The following CIP2A variants were observed in gnomAD, a reference collection of about 807,000 sequenced individuals.
CIP2A encodes protein CIP2A.
A neutral mutation model predicts 110.9 loss-of-function variants in CIP2A; 103 were observed. The ratio of observed to expected loss-of-function variants is 0.93; its 90% CI spans 0.79 to 1.09. The LOEUF is 1.09. Among genes scored for constraint, CIP2A ranks in the 50% least tolerant of loss-of-function variants. The probability of loss-of-function intolerance (pLI) is 0.00; values close to 1 mark genes in which losing one functional copy is unlikely to be tolerated. For missense variants in CIP2A, 1,088 were observed against 1,038.4 expected, an observed-to-expected ratio of 1.05 and a Z score of -0.66; for synonymous variants, 381 against 361.6, an observed-to-expected ratio of 1.05 and a Z score of -0.61.
intron 13 of CIP2A, among the ~76,000 whole-genome samples, chr3:108,561,431 C>T (rs767997459): frequency 5.9e-5 from 9 of 152,062 alleles, no homozygotes; most frequent in Non-Finnish European, 1.3e-4. Context: ...CACCTGTAAC[C>T]GCAGCACTTT....
intron 8 of CIP2A, among the ~76,000 whole-genome samples, chr3:108,572,600 A>G (rs1172275319): frequency 6.6e-6 from 1 of 151,956 alleles, no homozygotes; most frequent in East Asian, 1.9e-4. Flanking sequence ...ATTTAAAAAA[A>G]TCAGTTAATA....
chr3:108,563,368 G>A (rs1367095740), intron 12 of CIP2A, 124 bp from the exon 13 acceptor site: 1 of 673,742 alleles, frequency 1.5e-6, no homozygotes, highest in Admixed American at 2.4e-5. Flanking sequence ...TGTTTCTAAT[G>A]TTTGAATATA....
Position 108,582,021 on chromosome 3 carries a change from T to C in CIP2A, c.452+87A>G, listed in dbSNP as rs530017336. ...ACTCAGTTTATATGTTAGAAAATGTTATCTAAGAAAAATTAATCTACCACA... is the reference window on the plus strand; with the variant it reads ...ACTCAGTTTATATGTTAGAAAATGTCATCTAAGAAAAATTAATCTACCACA... On this transcript the variant is annotated intron_variant, in intron 4 of 20. Coordinates refer to ENST00000295746, the MANE Select transcript of CIP2A (RefSeq NM_020890.3). 5.7e-5 allele frequency: 35 copies of C among 609,048 alleles called. No individual in the cohort carries two copies. In the South Asian group the frequency reaches 8.4e-4, roughly 15 times the overall value. The allele number at this position is 609,048 out of a possible 1,614,324, so 37.7% of individuals were successfully genotyped here.
intron 1 of CIP2A, among the ~76,000 whole-genome samples, chr3:108,586,532 C>T (rs2107374795): frequency 6.6e-6 from 1 of 152,264 alleles, no homozygotes; most frequent in South Asian, 2.1e-4. Flanking sequence ...TACTGAATCT[C>T]TTAAAACAAA....
intron 14 of CIP2A, among the ~76,000 whole-genome samples, 181 bp downstream of exon 14, chr3:108,560,468 C>T (rs991167991): frequency 3.3e-5 from 5 of 152,120 alleles, no homozygotes; most frequent in East Asian, 1.9e-4. Context: ...CCACCGCACC[C>T]GGCAAAATGT....
chr3:108,585,403 A>G (rs1045595687), intron 1 of CIP2A, among the ~76,000 whole-genome samples, 191 bp from the exon 2 acceptor site: 1 of 152,114 alleles, frequency 6.6e-6, no homozygotes, highest in Admixed American at 6.5e-5. Context: ...CTCCCTAGCT[A>G]AAGTAATCAT....
Position 108,581,400 on chromosome 3 carries a change from A to G in CIP2A, c.549+15T>C, listed in dbSNP as rs1938871532. 1 of 1,557,720 alleles carries G rather than the reference A, an allele frequency of 6.4e-7. No homozygotes were observed. The highest frequency in any genetic ancestry group is 1.1e-5 in the South Asian group (1 of 87,414). On this transcript the variant is annotated intron_variant, in intron 5 of 20. Transcript: ENST00000295746. ...CCATAAAACAAGAAACATTAAAAAG[A>G]AATAAACTTCTTACCAATGTCTTTA...
At position 108,569,469 on chromosome 3, in the gene CIP2A, G is replaced by C. The variant is rs758810630; in HGVS notation, c.1033C>G (p.Leu345Val). ...TCCAAAGGTTGGCTTAACCAGCGCA[G>C]TAGAGCCACAGTAGGTTCTAAACAT... ...TKCLEPTVALLRWLSQPLDGS... is the reference protein window; with the variant it reads ...TKCLEPTVALVRWLSQPLDGS... Residue 345 changes from leucine (L) to valine (V), a missense_variant, in exon 9 of 21, where the codon CTG (leucine) becomes GTG (valine). Leu to Val is a conservative substitution (Grantham distance 32). Coordinates refer to ENST00000295746, the MANE Select transcript of CIP2A (RefSeq NM_020890.3). The C allele has an allele frequency of 6.2e-7, 1 of 1,612,836 alleles. No homozygotes were observed. Among genetic ancestry groups the C allele is most frequent in the Non-Finnish European group, 8.5e-7 (1 of 1,179,324 alleles).
intron 8 of CIP2A, among the ~76,000 whole-genome samples, chr3:108,575,360 A>C (rs1490536248): frequency 6.6e-6 from 1 of 150,510 alleles, no homozygotes; most frequent in African/African-American, 2.5e-5. Flanking sequence ...ACATGTGTAT[A>C]TATACATACA....
intron 5 of CIP2A, among the ~76,000 whole-genome samples, chr3:108,579,924 C>T (rs371477570): frequency 2.6e-5 from 4 of 152,128 alleles, no homozygotes; most frequent in East Asian, 3.9e-4. Context: ...TTGGTAAATG[C>T]GTGCAAACGA....
At chr3:108,584,803 T>C (rs535705315) in intron 2 of CIP2A, 2 of 304,548 alleles carry the variant, frequency 6.6e-6, no homozygotes, top group East Asian at 1.1e-4. Flanking sequence ...ATTTAAGAAC[T>C]AAAGAAATGG....
At chr3:108,570,384 T>A (rs1938347471) in intron 8 of CIP2A, among the ~76,000 whole-genome samples, 1 of 152,152 alleles carries the variant, frequency 6.6e-6, no homozygotes, top group Admixed American at 6.6e-5. Context: ...CAAATGATAA[T>A]CTTTAATAAA....
At chr3:108,589,182 T>G (rs528686112) in intron 1 of CIP2A, 92 bp downstream of exon 1, 1 of 910,184 alleles carries the variant, frequency 1.1e-6, no homozygotes, top group African/African-American at 1.6e-5. Context: ...TGTCCTTTCT[T>G]TCCCAGGCTG....
At chr3:108,579,145 AC>A (rs1559701403) in intron 7 of CIP2A, 135 bp downstream of exon 7, 1 of 644,058 alleles carries the variant, frequency 1.6e-6, no homozygotes, top group Non-Finnish European at 2.7e-6. Flanking sequence ...TGAGTAAAGC[AC>A]ATCAAAACAT....
Position 108,566,530 on chromosome 3 carries a change from C to T in CIP2A, c.1382G>A (p.Gly461Glu). Residue 461 changes from glycine (G) to glutamate (E), a missense_variant, in exon 11 of 21, where the codon GGA becomes GAA. By Grantham distance (98) the Gly-to-Glu change is moderately conservative. Transcript: ENST00000295746. The part of the protein sequence containing the change: ...QQFTYGKIDL[G>E]FGTKVADSEL... ...AGAATCTGCAACCTTTGTTCCAAAT[C>T]CCAGGTCAATCTTGCCATATGTAAA... 1 of 1,608,172 alleles carries T rather than the reference C, an allele frequency of 6.2e-7. No homozygotes were observed.
chr3:108,588,300 GAAAAC>G, intron 1 of CIP2A, among the ~76,000 whole-genome samples: 1 of 151,938 alleles, frequency 6.6e-6, no homozygotes, highest in Non-Finnish European at 1.5e-5. Context: ...ATGAAAAAGA[GAAAAC>G]AAATGTACTT....
At position 108,568,276 on chromosome 3, in the gene CIP2A, ACGATC is replaced by A; in HGVS notation, c.1147_1151del (p.Asp383PhefsTer11). 1 of 1,612,306 alleles carries A rather than the reference ACGATC, an allele frequency of 6.2e-7. No individual in the cohort carries two copies. Among genetic ancestry groups the A allele is most frequent in the Non-Finnish European group, 8.5e-7 (1 of 1,178,808 alleles). On this transcript the variant is annotated frameshift_variant, in exon 10 of 21. Coordinates refer to ENST00000295746, the MANE Select transcript of CIP2A (RefSeq NM_020890.3). LOFTEE classifies it high-confidence loss of function. The stretch of plus-strand genomic sequence containing the variant: ...TTGTAGGCAGCAGAAGGGTCACAAA[ACGATC>A]AGCCGAGGAACAGTTAGCAGCATCT...
intron 7 of CIP2A, 72 bp downstream of exon 7, chr3:108,579,206 GACA>G (rs780247448): frequency 1.0e-4 from 112 of 1,118,766 alleles, no homozygotes; most frequent in Non-Finnish European, 1.4e-4. Flanking sequence ...ATTTTAAGAA[GACA>G]ATTCTGTTTA....
chr3:108,575,618 G>T (rs1938580444), intron 8 of CIP2A, among the ~76,000 whole-genome samples: 1 of 142,002 alleles, frequency 7.0e-6, no homozygotes, highest in Admixed American at 6.8e-5. Context: ...TCATATACAT[G>T]TGTATATATA....
Sources: gnomAD v4.1 joint callset for allele counts (sites outside exome capture counted in the v4.1 genomes callset) on GRCh38, gnomAD v4.1.1 for gene constraint, MANE v1.5 for transcripts, NCBI Gene and HGNC (gene_info 2026-07-23, HGNC 2026-07-21) for gene names.